Variants in KIF13B observed in about 807,000 individuals in gnomAD.
The protein encoded by KIF13B is kinesin-like protein KIF13B.
A neutral mutation model predicts 222.0 loss-of-function variants in KIF13B; 127 were observed. That is an observed-to-expected ratio of 0.57 (90% CI 0.50 to 0.66). The LOEUF (loss-of-function observed/expected upper bound fraction) is 0.66, where lower values mean the gene tolerates loss of function less well. KIF13B is among the 30% of genes least tolerant of loss of function. The probability of loss-of-function intolerance (pLI) is 0.00; values close to 1 mark genes in which losing one functional copy is unlikely to be tolerated. For synonymous variants in KIF13B, 976 were observed against 919.0 expected, an observed-to-expected ratio of 1.06 and a Z score of -1.12; for missense variants, 2,173 against 2,379.0, an observed-to-expected ratio of 0.91 and a Z score of 1.80.
At chr8:29,085,455 C>A (rs954166170) in intron 37 of KIF13B, among the ~76,000 whole-genome samples, 1 of 152,000 alleles carries the variant, frequency 6.6e-6, no homozygotes, top group South Asian at 2.1e-4. Flanking sequence ...CAGTCCTTAC[C>A]TGGATTATTT....
chr8:29,080,199 G>A (rs189579063), intron 37 of KIF13B, among the ~76,000 whole-genome samples: 4 of 151,988 alleles, frequency 2.6e-5, no homozygotes, highest in African/African-American at 7.2e-5. Context: ...TTAGCTGGGC[G>A]TGGTGGTGCA....
Position 29,117,006 on chromosome 8 carries a change from A to T in KIF13B, c.3662T>A (p.Val1221Glu). The T allele has an allele frequency of 6.4e-7, 1 of 1,561,682 alleles. No individual in the cohort carries two copies. Among genetic ancestry groups the T allele is most frequent in the South Asian group, 1.2e-5 (1 of 86,412 alleles). Residue 1221 changes from valine (V) to glutamate (E), a missense_variant and splice_region_variant, in exon 31 of 40, where the codon GTG becomes GAG. Physicochemically the swap from Val to Glu is moderately radical, Grantham distance 121 (BLOSUM62 -2). Coordinates refer to ENST00000524189, the MANE Select transcript of KIF13B (RefSeq NM_015254.4). ...LQIVKQHDGE[V>E]KAEASWDSAV... ...GGAGTCCCAGGAGGCTTCTGCTTTCACCTGGAGAGAAGACAGAGAGGAAAC... is the reference window on the plus strand; with the variant it reads ...GGAGTCCCAGGAGGCTTCTGCTTTCTCCTGGAGAGAAGACAGAGAGGAAAC...
In KIF13B at chr8:29,070,376, G is replaced by A. The variant is rs966595970; in HGVS notation, c.*128C>T. 30 of 1,037,604 alleles carry A rather than the reference G, an allele frequency of 2.9e-5. No homozygotes were observed. Among genetic ancestry groups the A allele is most frequent in the East Asian group, 1.3e-4 (5 of 38,536 alleles). 64.3% of individuals were successfully genotyped at this position (1,037,604 alleles called of 1,614,324 possible). On this transcript the variant is annotated 3_prime_UTR_variant, in exon 40 of 40. Transcript: ENST00000524189. This position sits in a 1 kb window ranked among gnomAD's most constrained non-coding sequence, Gnocchi z 4.1. ...CCAGGGAGGTCACCAGCCCTGTGTC[G>A]TGCAAAAAGCATTCATCGCCCTGCC... is the stretch of plus-strand genomic sequence containing the variant.
chr8:29,107,662 A>G lies in KIF13B; in HGVS notation c.4215+477T>C, dbSNP rs376325874. On this transcript the variant is annotated intron_variant, in intron 35 of 39. Coordinates refer to ENST00000524189, the MANE Select transcript of KIF13B (RefSeq NM_015254.4). The stretch of plus-strand genomic sequence containing the variant: ...GCAGGCTCCGCCCCCCGGGGTTCAC[A>G]CCATTCTCCTGCCTTAGCCTCCCGA... 9.5e-3 allele frequency among the ~76,000 whole-genome samples: 1,427 copies of G among 149,968 alleles called. 17 individuals are homozygous for G. Among genetic ancestry groups the G allele is most frequent in the African/African-American group, 0.033 (1,365 of 40,750 alleles).
intron 2 of KIF13B, among the ~76,000 whole-genome samples, chr8:29,243,039 C>T (rs892629900): frequency 3.3e-5 from 5 of 152,140 alleles, no homozygotes; most frequent in East Asian, 3.8e-4. Context: ...GAATTGAATA[C>T]ATTTTGGCTT....
At chr8:29,124,186 G>T in intron 26 of KIF13B, 63 bp from the exon 27 acceptor site, 1 of 976,934 alleles carries the variant, frequency 1.0e-6, no homozygotes, top group Non-Finnish European at 1.6e-6. Flanking sequence ...TGAAACTGAT[G>T]CTCTATCTTA....
intron 4 of KIF13B, chr8:29,190,184 C>T (rs996988604): frequency 1.3e-5 from 2 of 152,240 alleles, no homozygotes; most frequent in Non-Finnish European, 2.9e-5. Context: ...AAGAGCTTCT[C>T]ATTCCACAAG....
intron 12 of KIF13B, among the ~76,000 whole-genome samples, chr8:29,162,403 T>C (rs1206369775): frequency 6.6e-6 from 1 of 152,202 alleles, no homozygotes; most frequent in Non-Finnish European, 1.5e-5. Context: ...GGTCTTCAAA[T>C]CAAGTCTTTA....
rs756349221 is a variant in KIF13B, at chr8:29,191,077, G to C, written c.163-20C>G. The stretch of plus-strand genomic sequence containing the variant: ...AAACACCTGTTGAAAATGAACATAA[G>C]TGTGTGTTAAGAAAACCTCAACATT... On this transcript the variant is annotated intron_variant, in intron 3 of 39. Transcript: ENST00000524189. 260 of 1,587,872 alleles carry C rather than the reference G, an allele frequency of 1.6e-4. No homozygotes were observed. The highest frequency in any genetic ancestry group is 2.2e-4 in the Non-Finnish European group (252 of 1,163,540).
At chr8:29,154,119 T>C (rs546631199) in intron 14 of KIF13B, among the ~76,000 whole-genome samples, 4 of 152,288 alleles carry the variant, frequency 2.6e-5, no homozygotes, top group Admixed American at 2.0e-4. Flanking sequence ...AAGGCCAATC[T>C]GGGCAACATA....
chr8:29,262,704 C>A (rs1163274246), intron 1 of KIF13B, among the ~76,000 whole-genome samples: 1 of 148,706 alleles, frequency 6.7e-6, no homozygotes. Flanking sequence ...GGCAAAAGGG[C>A]GCAGGGGCGG....
chr8:29,099,133 C>T lies in KIF13B; in HGVS notation c.4324G>A (p.Gly1442Arg), dbSNP rs541841891. 2.3e-5 allele frequency: 37 copies of T among 1,603,974 alleles called. No individual in the cohort carries two copies. In the East Asian group the frequency reaches 7.8e-4, roughly 34 times the overall value. Reference sequence around the variant, plus strand: ...ATTGACAAGTGAAAAGATAACTTACCTGGATCTGGAGAATGGTTATTTTGG... The same window carrying T: ...ATTGACAAGTGAAAAGATAACTTACTTGGATCTGGAGAATGGTTATTTTGG... ...SPQNNHSPDP[G>R]LSNLAASYLN... Residue 1442 changes from glycine (G) to arginine (R), a missense_variant and splice_region_variant, in exon 36 of 40, where the codon GGA becomes AGA. By Grantham distance (125) the Gly-to-Arg change is moderately radical. Around this residue, in one of 2 missense-constraint regions of KIF13B, gnomAD observed 693 missense variants for 656.2 expected, o/e 1.06. Coordinates refer to ENST00000524189, the MANE Select transcript of KIF13B (RefSeq NM_015254.4).
chr8:29,180,270 C>T, intron 7 of KIF13B, 32 bp from the exon 8 acceptor site: 1 of 1,611,812 alleles, frequency 6.2e-7, no homozygotes, highest in Non-Finnish European at 8.5e-7. Flanking sequence ...ACCCACGTTT[C>T]ATTACTTGTG....
At chr8:29,114,996 A>G (rs552387401) in intron 31 of KIF13B, among the ~76,000 whole-genome samples, 57 of 152,348 alleles carry the variant, frequency 3.7e-4, no homozygotes, top group Non-Finnish European at 6.3e-4. Context: ...CATACCGTAT[A>G]CATCTATAGC....
At chr8:29,174,224 C>T (rs1812384121) in intron 10 of KIF13B, among the ~76,000 whole-genome samples, 1 of 152,086 alleles carries the variant, frequency 6.6e-6, no homozygotes, top group Admixed American at 6.5e-5. Context: ...TCCTATATAA[C>T]TGCAAGTTTG....
chr8:29,250,366 C>T (rs1421694967), intron 1 of KIF13B, among the ~76,000 whole-genome samples: 1 of 152,124 alleles, frequency 6.6e-6, no homozygotes, highest in African/African-American at 2.4e-5. Context: ...CTCATATGCT[C>T]TTAACAGCTT....
intron 2 of KIF13B, among the ~76,000 whole-genome samples, chr8:29,237,048 GT>G (rs750995561): frequency 1.4e-4 from 22 of 152,228 alleles, no homozygotes; most frequent in Non-Finnish European, 3.1e-4. Flanking sequence ...CACTGTTGAT[GT>G]TCGAATATTG....
At chr8:29,087,474 TTCC>T (rs971821249) in intron 37 of KIF13B, among the ~76,000 whole-genome samples, 8 of 152,132 alleles carry the variant, frequency 5.3e-5, no homozygotes, top group African/African-American at 1.7e-4. Context: ...GAATCTGAAG[TTCC>T]TCATTATTTT....
At position 29,070,412 on chromosome 8, in the gene KIF13B, G is replaced by T; in HGVS notation, c.*92C>A. On this transcript the variant is annotated 3_prime_UTR_variant, in exon 40 of 40. Coordinates refer to ENST00000524189, the MANE Select transcript of KIF13B (RefSeq NM_015254.4). The surrounding 1 kb of genome is among the most constrained non-coding windows in gnomAD (Gnocchi z 4.1). ...ATTCATCGCCCTGCCCCTGGGGAAG[G>T]GGCCACCGGGCTCCTGGCTCCTCAG... 1.4e-6 allele frequency: 2 copies of T among 1,431,408 alleles called. No homozygotes were observed. The highest frequency in any genetic ancestry group is 9.6e-7 in the Non-Finnish European group (1 of 1,046,896). The allele number at this position is 1,431,408 out of a possible 1,614,324, so 88.7% of individuals were successfully genotyped here.
Sources: gnomAD v4.1 joint callset for allele counts (sites outside exome capture counted in the v4.1 genomes callset) on GRCh38, gnomAD v4.1.1 for gene constraint, gnomAD v4.1.1 regional missense constraint, Gnocchi (gnomAD v3.1) non-coding constraint, MANE v1.5 for transcripts, NCBI Gene and HGNC (gene_info 2026-07-23, HGNC 2026-07-21) for gene names.